The following C4orf36 variants were observed in gnomAD, a reference collection of about 807,000 sequenced individuals.
C4orf36 encodes the protein chromosome 4 open reading frame 36.
C4orf36 carries 11 observed loss-of-function variants against 12.2 expected under a neutral mutation model. The ratio of observed to expected loss-of-function variants is 0.90; its 90% CI spans 0.57 to 1.49. C4orf36 has a LOEUF of 1.49. Among genes scored for constraint, C4orf36 ranks in the 40% most tolerant of loss-of-function variants. The pLI, the probability that C4orf36 is intolerant of heterozygous loss-of-function variation, is 0.00. For synonymous variants in C4orf36, 54 were observed against 51.3 expected (o/e 1.05, Z -0.22); for missense variants, 137 against 133.9 (o/e 1.02, Z -0.11).
chr4:86,914,532 C>CT, the C4orf36 span: 1 of 471,066 alleles, frequency 2.1e-6, no homozygotes, highest in South Asian at 2.2e-5. Context: ...TCCCGGGTAG[C>CT]TGGGATTACA....
At chr4:86,932,012 GCAA>G in the C4orf36 span, among the ~76,000 whole-genome samples, 1 of 138,266 alleles carries the variant, frequency 7.2e-6, no homozygotes, top group Non-Finnish European at 1.5e-5. Flanking sequence ...TCCAGCCTGG[GCAA>G]TAGAGCGAGA....
At chr4:86,878,942 A>G (rs1214770061) in intron 4 of C4orf36, among the ~76,000 whole-genome samples, 1 of 152,218 alleles carries the variant, frequency 6.6e-6, no homozygotes, top group East Asian at 1.9e-4. Context: ...AAGCCCAGAG[A>G]AGATGCATTC....
the C4orf36 span, among the ~76,000 whole-genome samples, chr4:86,923,715 A>G: frequency 6.6e-6 from 1 of 150,926 alleles, no homozygotes; most frequent in Non-Finnish European, 1.5e-5. Flanking sequence ...GTGATCTGAG[A>G]TCGCACCATT....
chr4:86,913,743 G>A, the C4orf36 span: 1 of 1,540,556 alleles, frequency 6.5e-7, no homozygotes, highest in Non-Finnish European at 9.0e-7. Context: ...CCAGCCACCA[G>A]TGCCACTGCC....
chr4:86,935,098 C>T, the C4orf36 span: 2 of 152,206 alleles, frequency 1.3e-5, no homozygotes, highest in East Asian at 1.9e-4. Flanking sequence ...ACCTTTGCCT[C>T]CGCGGTTCCG....
the C4orf36 span, among the ~76,000 whole-genome samples, chr4:86,905,257 C>T: frequency 6.6e-6 from 1 of 151,698 alleles, no homozygotes; most frequent in East Asian, 1.9e-4. Flanking sequence ...GTGGCACATG[C>T]CTGTCGTCCT....
chr4:86,901,449 C>T, the C4orf36 span, among the ~76,000 whole-genome samples: 1 of 151,818 alleles, frequency 6.6e-6, no homozygotes. Context: ...TATCTGTCGC[C>T]CAGGCTGGAG....
At chr4:86,919,310 T>C in the C4orf36 span, among the ~76,000 whole-genome samples, 531 of 110,478 alleles carry the variant, frequency 4.8e-3, 11 homozygotes, top group East Asian at 0.053. Context: ...TCTGCTTTTT[T>C]CCCCCTTTTT....
chr4:86,879,142 G>T (rs1249161933), intron 4 of C4orf36, among the ~76,000 whole-genome samples: 1 of 151,998 alleles, frequency 6.6e-6, no homozygotes, highest in African/African-American at 2.4e-5. Flanking sequence ...AGGGCACAAG[G>T]CCTACAAAGA....
the C4orf36 span, among the ~76,000 whole-genome samples, chr4:86,932,768 G>C: frequency 7.5e-6 from 1 of 133,510 alleles, no homozygotes; most frequent in African/African-American, 2.8e-5. Flanking sequence ...ATTTATTTGG[G>C]GGGGTGGGGG....
At chr4:86,921,811 A>G in the C4orf36 span, among the ~76,000 whole-genome samples, 1 of 152,184 alleles carries the variant, frequency 6.6e-6, no homozygotes, top group Admixed American at 6.5e-5. Flanking sequence ...GAAATCCTGT[A>G]CCCATTAAGC....
chr4:86,892,309 G>C lies in C4orf36; in HGVS notation c.-200C>G, dbSNP rs537530756. 19 of 985,686 alleles carry C rather than the reference G, an allele frequency of 1.9e-5. No homozygotes were observed. The South Asian group carries it at 8.5e-4, about 44-fold the overall frequency. The allele number at this position is 985,686 out of a possible 1,614,324, so 61.1% of individuals were successfully genotyped here. On this transcript the variant is annotated 5_prime_UTR_variant, in exon 1 of 5. Transcript: ENST00000295898. ...GGGCTCCAGGGGCTCGGAGGGTCGC[G>C]GCCGGGGTACTGAGGTAAGAGCGCG...
the C4orf36 span, among the ~76,000 whole-genome samples, chr4:86,899,694 G>C: frequency 2.9e-4 from 44 of 152,206 alleles, no homozygotes; most frequent in African/African-American, 1.1e-3. Flanking sequence ...AGCCAAACAT[G>C]GTGGTGCCTG....
the C4orf36 span, among the ~76,000 whole-genome samples, chr4:86,921,165 CAAA>C: frequency 2.1e-5 from 2 of 94,988 alleles, no homozygotes. Flanking sequence ...AACTCCTTCT[CAAA>C]AAAAAAAAAA....
chr4:86,901,367 T>C, the C4orf36 span, among the ~76,000 whole-genome samples: 2 of 151,072 alleles, frequency 1.3e-5, no homozygotes, highest in African/African-American at 4.9e-5. Flanking sequence ...TCTGTCTCTC[T>C]CACTCACACT....
At chr4:86,904,245 G>T in the C4orf36 span, among the ~76,000 whole-genome samples, 12 of 152,336 alleles carry the variant, frequency 7.9e-5, 1 homozygote, top group Admixed American at 7.2e-4. Flanking sequence ...AACCCGCGCC[G>T]GCTAGCGAGC....
the C4orf36 span, among the ~76,000 whole-genome samples, chr4:86,919,632 G>T: frequency 2.6e-5 from 4 of 151,926 alleles, no homozygotes; most frequent in Non-Finnish European, 4.4e-5. Context: ...GCCCCATTCT[G>T]CTTCTTTTTA....
At chr4:86,912,678 T>C in the C4orf36 span, among the ~76,000 whole-genome samples, 1 of 152,204 alleles carries the variant, frequency 6.6e-6, no homozygotes, top group Admixed American at 6.5e-5. Context: ...TTTCAGGGGA[T>C]TGAACTAACC....
the C4orf36 span, among the ~76,000 whole-genome samples, chr4:86,905,378 C>CAAAA: frequency 6.4e-5 from 9 of 141,350 alleles, no homozygotes; most frequent in East Asian, 2.1e-3. Flanking sequence ...GACTCCATCT[C>CAAAA]GAAATAAATA....
Sources: gnomAD v4.1 joint callset for allele counts (sites outside exome capture counted in the v4.1 genomes callset) on GRCh38, gnomAD v4.1.1 for gene constraint, MANE v1.5 for transcripts, NCBI Gene and HGNC (gene_info 2026-07-23, HGNC 2026-07-21) for gene names.